XYLT1: variants seen among roughly 807,000 people sequenced by gnomAD.
The protein encoded by XYLT1 is beta-D-xylosyltransferase 1.
In XYLT1, 36 loss-of-function variants were observed where a neutral mutation model predicts 91.3. That is an observed-to-expected ratio of 0.39 (90% CI 0.30 to 0.52). The LOEUF is 0.52. Among genes scored for constraint, XYLT1 ranks in the 20% least tolerant of loss-of-function variants. The pLI is 0.68. For synonymous variants in XYLT1, 588 were observed against 532.0 expected, an observed-to-expected ratio of 1.11 and a Z score of -1.45; for missense variants, 1,242 against 1,284.5, an observed-to-expected ratio of 0.97 and a Z score of 0.51.
At chr16:17,436,501 C>CCCAG (rs2036461319) in intron 1 of XYLT1, among the ~76,000 whole-genome samples, 1 of 152,144 alleles carries the variant, frequency 6.6e-6, no homozygotes, top group Admixed American at 6.5e-5. Context: ...ATAGTATGGG[C>CCCAG]CCAGGCAGCA....
chr16:17,311,755 T>G (rs1249997193), intron 2 of XYLT1, among the ~76,000 whole-genome samples: 1 of 149,602 alleles, frequency 6.7e-6, no homozygotes, highest in African/African-American at 2.4e-5. Flanking sequence ...AAAAATAAGT[T>G]TAATGAACTC....
chr16:17,279,787 T>C (rs2034030813), intron 2 of XYLT1, among the ~76,000 whole-genome samples: 1 of 152,088 alleles, frequency 6.6e-6, no homozygotes, highest in African/African-American at 2.4e-5. Flanking sequence ...CAAGGCAAAA[T>C]GTGGCCACAG....
At chr16:17,265,308 A>G (rs1020669019) in intron 2 of XYLT1, among the ~76,000 whole-genome samples, 2 of 152,192 alleles carry the variant, frequency 1.3e-5, no homozygotes, top group Non-Finnish European at 2.9e-5. Context: ...CAGACTGGGG[A>G]ACTCTACCAA....
chr16:17,456,257 T>A (rs905054175), intron 1 of XYLT1, among the ~76,000 whole-genome samples: 1 of 151,958 alleles, frequency 6.6e-6, no homozygotes, highest in African/African-American at 2.4e-5. Flanking sequence ...TGTGGTGGTT[T>A]GATCTTGGGC....
In XYLT1 at chr16:17,255,153, T is replaced by C. The variant is rs557493872; in HGVS notation, c.913+3835A>G. Among the ~76,000 whole-genome samples, 3 of 151,792 alleles carry C rather than the reference T, an allele frequency of 2.0e-5. No homozygotes were observed. In the Admixed American group the frequency reaches 2.0e-4, roughly 10 times the overall value. ...CTGGGATTACAGGTGCACACCACCATGCCCAGCTAATTTTTTTGTATTTTT... is the reference window on the plus strand; with the variant it reads ...CTGGGATTACAGGTGCACACCACCACGCCCAGCTAATTTTTTTGTATTTTT... On this transcript the variant is annotated intron_variant, in intron 3 of 11. Transcript: ENST00000261381.
chr16:17,143,180 C>T (rs1287687579), intron 6 of XYLT1, among the ~76,000 whole-genome samples: 1 of 152,194 alleles, frequency 6.6e-6, no homozygotes, highest in African/African-American at 2.4e-5. Flanking sequence ...GCCAAACGCT[C>T]AGTCCATTAG....
At position 17,383,322 on chromosome 16, in the gene XYLT1, T is replaced by C. The variant is rs548978158; in HGVS notation, c.364-25272A>G. 4.6e-5 allele frequency among the ~76,000 whole-genome samples: 7 copies of C among 152,012 alleles called. No individual in the cohort carries two copies. The East Asian group carries it at 1.0e-3, about 22-fold the overall frequency. On this transcript the variant is annotated intron_variant, in intron 1 of 11. Transcript: ENST00000261381. ...ATCCTTCCCAATTCAAGACGTTTTA[T>C]TGGAAACCTTTCCTGACCTCCGAAG...
intron 2 of XYLT1, among the ~76,000 whole-genome samples, chr16:17,279,343 T>C (rs1364027740): frequency 6.6e-6 from 1 of 152,206 alleles, no homozygotes; most frequent in East Asian, 1.9e-4. Flanking sequence ...ACACAAATTG[T>C]AGCTGTTACT....
chr16:17,412,069 T>A (rs1179478848), intron 1 of XYLT1, among the ~76,000 whole-genome samples: 3 of 152,096 alleles, frequency 2.0e-5, no homozygotes, highest in Admixed American at 1.3e-4. Context: ...AATATTCATG[T>A]TTTAATTAGC....
chr16:17,380,646 C>T (rs550766442), intron 1 of XYLT1, among the ~76,000 whole-genome samples: 14 of 152,338 alleles, frequency 9.2e-5, no homozygotes, highest in Admixed American at 8.5e-4. Flanking sequence ...AATTCCTCCT[C>T]TGGGTTCACA....
chr16:17,235,518 G>A (rs369689852), intron 3 of XYLT1, among the ~76,000 whole-genome samples: 70 of 152,198 alleles, frequency 4.6e-4, no homozygotes, highest in African/African-American at 1.3e-3. Flanking sequence ...GAAGGGCCCC[G>A]TCTCAATGCC....
chr16:17,182,361 C>T (rs2032088940), intron 5 of XYLT1, among the ~76,000 whole-genome samples: 1 of 152,156 alleles, frequency 6.6e-6, no homozygotes, highest in Admixed American at 6.5e-5. Flanking sequence ...CTTGCTCTGT[C>T]CTTACATGGC....
At chr16:17,332,400 A>G (rs1286892442) in intron 2 of XYLT1, among the ~76,000 whole-genome samples, 1 of 152,106 alleles carries the variant, frequency 6.6e-6, no homozygotes, top group Non-Finnish European at 1.5e-5. Context: ...TGACTCTACT[A>G]AAAATACAAA....
At chr16:17,408,817 C>T (rs2036065934) in intron 1 of XYLT1, among the ~76,000 whole-genome samples, 10 of 152,106 alleles carry the variant, frequency 6.6e-5, no homozygotes, top group Admixed American at 6.5e-4. Flanking sequence ...CATTACACTC[C>T]AGCCCGGGCA....
At chr16:17,368,211 A>G (rs561204279) in intron 1 of XYLT1, among the ~76,000 whole-genome samples, 24 of 152,314 alleles carry the variant, frequency 1.6e-4, no homozygotes, top group Admixed American at 4.6e-4. Flanking sequence ...CTCGGGATGT[A>G]GAGCTGCCTT....
intron 1 of XYLT1, among the ~76,000 whole-genome samples, chr16:17,432,363 T>A (rs9930791): frequency 0.063 from 9,622 of 152,226 alleles, 414 homozygotes; most frequent in African/African-American, 0.12. Context: ...ATGCCGTATA[T>A]CCTTACAGTG....
chr16:17,320,255 C>T (rs997578462), intron 2 of XYLT1, among the ~76,000 whole-genome samples: 1 of 152,196 alleles, frequency 6.6e-6, no homozygotes, highest in African/African-American at 2.4e-5. Context: ...AAACCTAGCA[C>T]AGTGCCTGAA....
chr16:17,378,377 T>C (rs1052029702), intron 1 of XYLT1, among the ~76,000 whole-genome samples: 13 of 152,198 alleles, frequency 8.5e-5, no homozygotes, highest in African/African-American at 2.4e-4. Flanking sequence ...ATTATGTCTA[T>C]TGGGCTTACT....
chr16:17,293,114 G>A (rs971372137), intron 2 of XYLT1, among the ~76,000 whole-genome samples: 3 of 152,188 alleles, frequency 2.0e-5, no homozygotes, highest in African/African-American at 7.2e-5. Context: ...GCACTTCCAA[G>A]AAGACTTTTA....
Sources: allele counts gnomAD v4.1 joint callset (sites outside exome capture counted in the v4.1 genomes callset), GRCh38; gene constraint gnomAD v4.1.1; transcripts MANE v1.5; gene names NCBI Gene and HGNC (gene_info 2026-07-23, HGNC 2026-07-21).